GLIS1: variants seen among roughly 807,000 people sequenced by gnomAD.
The protein encoded by GLIS1 is zinc finger protein GLIS1.
A neutral mutation model predicts 63.8 loss-of-function variants in GLIS1; 24 were observed. The ratio of observed to expected loss-of-function variants is 0.38; its 90% confidence interval spans 0.27 to 0.53. The LOEUF (loss-of-function observed/expected upper bound fraction) is 0.53, where lower values mean the gene tolerates loss of function less well. Ranked by LOEUF, GLIS1 falls within the 20% of genes least tolerant of loss-of-function variation. The pLI, the probability that GLIS1 is intolerant of heterozygous loss-of-function variation, is 0.85. For missense variants in GLIS1, 1,036 were observed against 1,074.1 expected (o/e 0.96, Z 0.50); for synonymous variants, 450 against 482.5 (o/e 0.93, Z 0.88).
At chr1:53,612,819 C>T (rs1461553455) in intron 2 of GLIS1, among the ~76,000 whole-genome samples, 2 of 79,964 alleles carry the variant, frequency 2.5e-5, no homozygotes, top group African/African-American at 4.3e-5. Flanking sequence ...TTCTTTGATG[C>T]CTTTTTTTTT....
chr1:53,596,481 T>C (rs2100538572), intron 3 of GLIS1, among the ~76,000 whole-genome samples: 1 of 152,298 alleles, frequency 6.6e-6, no homozygotes, highest in East Asian at 1.9e-4. Flanking sequence ...TCAGTTTCCT[T>C]GCCTGTAAAA....
chr1:53,616,779 C>G (rs528507378), intron 2 of GLIS1, among the ~76,000 whole-genome samples: 1 of 152,268 alleles, frequency 6.6e-6, no homozygotes, highest in South Asian at 2.1e-4. Flanking sequence ...GAGATCCAGC[C>G]CGGAGCAGAC....
At chr1:53,638,323 T>A (rs1452313422) in intron 2 of GLIS1, among the ~76,000 whole-genome samples, 1 of 152,154 alleles carries the variant, frequency 6.6e-6, no homozygotes, top group East Asian at 1.9e-4. Context: ...TCCGTTCCCA[T>A]CACAGCAACC....
chr1:53,529,059 C>T (rs926215962), intron 5 of GLIS1, among the ~76,000 whole-genome samples: 5 of 152,224 alleles, frequency 3.3e-5, no homozygotes, highest in Non-Finnish European at 7.3e-5. Context: ...CAAATGGCTT[C>T]GTGACTGCCC....
intron 4 of GLIS1, among the ~76,000 whole-genome samples, chr1:53,577,763 T>A (rs560645450): frequency 6.6e-6 from 1 of 152,278 alleles, no homozygotes. Context: ...CTGTGGTCCC[T>A]GGAGCCTGCC....
Position 53,594,645 on chromosome 1 carries a change from G to A in GLIS1, c.783C>T (p.Val261=). ...TCTGGGAGGAGCGGATGATGGAGGTGACGTCGGAGGAGGCACAGGGTGAGG... is the reference window on the plus strand; with the variant it reads ...TCTGGGAGGAGCGGATGATGGAGGTAACGTCGGAGGAGGCACAGGGTGAGG... ...ASSSPCASSD[V]TSIIRSSQTS... is the part of the protein sequence containing the mutation. The change falls in exon 4 of 11, where the codon GTC becomes GTT. Residue 261 remains valine, a synonymous_variant. Coordinates refer to ENST00000628545, the MANE Select transcript of GLIS1 (RefSeq NM_001367484.1). 6.4e-7 allele frequency: 1 copy of A among 1,557,080 alleles called. No individual in the cohort carries two copies. Among genetic ancestry groups the A allele is most frequent in the Non-Finnish European group, 8.7e-7 (1 of 1,148,520 alleles).
intron 2 of GLIS1, among the ~76,000 whole-genome samples, chr1:53,620,519 A>G (rs1422057622): frequency 6.6e-6 from 1 of 152,208 alleles, no homozygotes; most frequent in African/African-American, 2.4e-5. Context: ...GAATGAGTAC[A>G]GTGTTTGGTA....
rs552825882 is a variant in GLIS1 at position 53,662,270 on chromosome 1, A to G, written c.260-61992T>C. ...AGGACACTCGGCAAAGCACTATAAA[A>G]ACATGCAGCATTATCATCATCATTC... On this transcript the variant is annotated intron_variant, in intron 2 of 10. Coordinates refer to ENST00000628545, the MANE Select transcript of GLIS1 (RefSeq NM_001367484.1). 2.2e-3 allele frequency among the ~76,000 whole-genome samples: 340 copies of G among 152,252 alleles called. 1 individual carries two copies. Among genetic ancestry groups the G allele is most frequent in the Middle Eastern group, 0.014 (4 of 294 alleles).
At chr1:53,595,603 G>T (rs1645247528) in intron 3 of GLIS1, among the ~76,000 whole-genome samples, 1 of 152,174 alleles carries the variant, frequency 6.6e-6, no homozygotes, top group African/African-American at 2.4e-5. Context: ...GGGCTGCCCT[G>T]CTCCCTCTCC....
At chr1:53,590,735 T>C (rs947359520) in intron 4 of GLIS1, among the ~76,000 whole-genome samples, 3 of 152,126 alleles carry the variant, frequency 2.0e-5, no homozygotes, top group Non-Finnish European at 1.5e-5. Context: ...TAACAGGATA[T>C]TGCAAAAAGA....
chr1:53,701,831 A>G (rs904594993), intron 2 of GLIS1, among the ~76,000 whole-genome samples: 2 of 151,910 alleles, frequency 1.3e-5, no homozygotes, highest in African/African-American at 4.8e-5. Flanking sequence ...TATCTCTACT[A>G]AAAATACAAA....
chr1:53,509,405 T>TGA, intron 9 of GLIS1, 118 bp from the exon 10 acceptor site: 3 of 1,125,460 alleles, frequency 2.7e-6, no homozygotes, highest in African/African-American at 1.5e-5. Flanking sequence ...ATTGTGGGTG[T>TGA]GAGAGAGAGA....
At chr1:53,599,261 T>C (rs575044119) in intron 3 of GLIS1, among the ~76,000 whole-genome samples, 1 of 152,232 alleles carries the variant, frequency 6.6e-6, no homozygotes, top group East Asian at 1.9e-4. Flanking sequence ...CTTTAAAAGG[T>C]GACTGGGTTG....
chr1:53,719,511 T>C (rs962692546), intron 2 of GLIS1, among the ~76,000 whole-genome samples: 2 of 152,256 alleles, frequency 1.3e-5, no homozygotes, highest in African/African-American at 4.8e-5. Flanking sequence ...CTTAGGAATG[T>C]AGTGGCCAAT....
chr1:53,616,780 C>T (rs1187788492), intron 2 of GLIS1, among the ~76,000 whole-genome samples: 4 of 152,136 alleles, frequency 2.6e-5, no homozygotes, highest in Non-Finnish European at 2.9e-5. Context: ...AGATCCAGCC[C>T]GGAGCAGACA....
intron 4 of GLIS1, among the ~76,000 whole-genome samples, chr1:53,537,482 A>C (rs1644592726): frequency 6.6e-6 from 1 of 152,238 alleles, no homozygotes; most frequent in Admixed American, 6.5e-5. Context: ...TCACGCAAAC[A>C]GAGGTTTGTG....
intron 2 of GLIS1, among the ~76,000 whole-genome samples, chr1:53,649,730 C>T (rs749490363): frequency 6.6e-6 from 1 of 152,170 alleles, no homozygotes; most frequent in Non-Finnish European, 1.5e-5. Context: ...AAATACAATA[C>T]AGTTCTATAA....
At chr1:53,720,879 T>A (rs1320681227) in intron 2 of GLIS1, among the ~76,000 whole-genome samples, 1 of 152,036 alleles carries the variant, frequency 6.6e-6, no homozygotes, top group East Asian at 1.9e-4. Flanking sequence ...GAGTCTGTAG[T>A]CCCAGCTACC....
intron 2 of GLIS1, among the ~76,000 whole-genome samples, chr1:53,715,367 G>T (rs1175870217): frequency 6.6e-6 from 1 of 152,190 alleles, no homozygotes; most frequent in African/African-American, 2.4e-5. Flanking sequence ...CCATGCAAAG[G>T]CCCTAGCGCA....
Sources: allele counts gnomAD v4.1 joint callset (sites outside exome capture counted in the v4.1 genomes callset), GRCh38; gene constraint gnomAD v4.1.1; transcripts MANE v1.5; gene names NCBI Gene and HGNC (gene_info 2026-07-23, HGNC 2026-07-21).